SRSF6: variants seen among roughly 807,000 people sequenced by gnomAD.
SRSF6 encodes serine/arginine-rich splicing factor 6.
A neutral mutation model predicts 42.0 loss-of-function variants in SRSF6; 17 were observed. The observed-to-expected ratio is 0.40, with a 90% confidence interval of 0.28 to 0.61. The LOEUF is 0.61. SRSF6 is among the 20% of genes least tolerant of loss of function. The pLI is 0.37. For synonymous variants in SRSF6, 204 were observed against 166.7 expected (o/e 1.22, Z -1.72); for missense variants, 379 against 471.4 (o/e 0.80, Z 1.81).
In SRSF6 at chr20:43,460,944, C is replaced by T; in HGVS notation, c.916C>T (p.Pro306Ser). 1 of 1,614,188 alleles carries T rather than the reference C, an allele frequency of 6.2e-7. No homozygotes were observed. Among genetic ancestry groups the T allele is most frequent in the Admixed American group, 1.7e-5 (1 of 60,016 alleles). ...CCAGTCCCGTTCCAATTCGCCGCTA[C>T]CTGTTCCACCCTCAAAGGCCCGTTC... ...RSQSRSNSPL[P>S]VPPSKARSVS... Residue 306 changes from proline to serine, a missense_variant, in exon 6 of 6, where the codon CCT becomes TCT. Physicochemically the swap from Pro to Ser is moderately conservative, Grantham distance 74. Transcript: ENST00000244020.
Position 43,463,623 on chromosome 20 carries a change from T to C in SRSF6, c.*2560T>C, listed in dbSNP as rs2017641044. 6.5e-6 allele frequency: 1 copy of C among 152,710 alleles called. No individual in the cohort carries two copies. Among genetic ancestry groups the C allele is most frequent in the Non-Finnish European group, 1.5e-5 (1 of 68,062 alleles). The allele number at this position is 152,710 out of a possible 1,614,324, so 9.5% of individuals were successfully genotyped here. The stretch of plus-strand genomic sequence containing the variant: ...GAGGGAAAGGCTTGTTTTGAGTTTA[T>C]TGCATATGCCCACTTAGGACCAGAT... On this transcript the variant is annotated 3_prime_UTR_variant, in exon 6 of 6. Transcript: ENST00000244020.
Position 43,463,442 on chromosome 20 carries a change from T to C in SRSF6, c.*2379T>C, listed in dbSNP as rs1384550645. On this transcript the variant is annotated 3_prime_UTR_variant, in exon 6 of 6. Transcript: ENST00000244020. Reference sequence around the variant, plus strand: ...AAGTGAGAACATCTTGATTCCCCTTTCTTTTACTTGATGGTGTTTATGAAC... The same window carrying C: ...AAGTGAGAACATCTTGATTCCCCTTCCTTTTACTTGATGGTGTTTATGAAC... The C allele has an allele frequency of 6.5e-6, 1 of 154,360 alleles. No homozygotes were observed. The highest frequency in any genetic ancestry group is 2.4e-5 in the African/African-American group (1 of 41,522). The allele number at this position is 154,360 out of a possible 1,614,324, so 9.6% of individuals were successfully genotyped here.
Position 43,458,385 on chromosome 20 carries a change from C to T in SRSF6, c.132C>T (p.Asp44=), listed in dbSNP as rs1347777487. 6.4e-7 allele frequency: 1 copy of T among 1,560,444 alleles called. No individual in the cohort carries two copies. Among genetic ancestry groups the T allele is most frequent in the Non-Finnish European group, 8.6e-7 (1 of 1,157,594 alleles). ...GGTACGGCTTCGTGGAGTTCGAGGA[C>T]TCCCGCGACGCCGACGACGCCGTTT... ...KNGYGFVEFE[D]SRDADDAVYE... Residue 44 remains aspartate (D), a synonymous_variant, in exon 2 of 6, where the codon GAC becomes GAT. Coordinates refer to ENST00000244020, the MANE Select transcript of SRSF6 (RefSeq NM_006275.6).
chr20:43,462,582 G>A lies in SRSF6; in HGVS notation c.*1519G>A, dbSNP rs940594771. ...GTGACTGGAAAGCATGATATTCTAG[G>A]GTTGGTTTGTAGATTCAAATAATCC... On this transcript the variant is annotated 3_prime_UTR_variant, in exon 6 of 6. Transcript: ENST00000244020. 2 of 152,092 alleles carry A rather than the reference G, an allele frequency of 1.3e-5. No individual in the cohort carries two copies. The highest frequency in any genetic ancestry group is 4.8e-5 in the African/African-American group (2 of 41,394). 9.4% of individuals were successfully genotyped at this position (152,092 alleles called of 1,614,324 possible). A position where few individuals can be genotyped will look rare whatever the true frequency, so the allele number is the denominator to read the frequency against.
Position 43,458,120 on chromosome 20 carries a change from C to G in SRSF6, c.87C>G (p.Leu29=), listed in dbSNP as rs1395586659. 3.1e-6 allele frequency: 5 copies of G among 1,613,092 alleles called. No individual in the cohort carries two copies. Among genetic ancestry groups the G allele is most frequent in the East Asian group, 4.5e-5 (2 of 44,804 alleles). ...TTTTCAGTGGCTATGGCCGCCTCCT[C>G]GAAGTAGACCTCAAAAATGGGTGAG... ...QRFFSGYGRL[L]EVDLKNGYGF... Residue 29 remains leucine (L), a synonymous_variant, in exon 1 of 6, where the codon CTC becomes CTG. Transcript: ENST00000244020.
Position 43,458,007 on chromosome 20 carries a change from G to C in SRSF6, c.-27G>C. On this transcript the variant is annotated 5_prime_UTR_variant, in exon 1 of 6. Transcript: ENST00000244020. ...CTTGCGGTCCGCCGTTCGACAACCAGCCCTTGGGTCCCCGCCCGCCACGGA... is the reference window on the plus strand; with the variant it reads ...CTTGCGGTCCGCCGTTCGACAACCACCCCTTGGGTCCCCGCCCGCCACGGA... 1 of 1,594,946 alleles carries C rather than the reference G, an allele frequency of 6.3e-7. No homozygotes were observed. Among genetic ancestry groups the C allele is most frequent in the Non-Finnish European group, 8.6e-7 (1 of 1,168,974 alleles).
rs1262388359 is a variant in SRSF6 at position 43,462,792 on chromosome 20, C to A, written c.*1729C>A. ...TGCCCCAAAAGGCGGATGCTTCTTC[C>A]ATTATCTTATTTTCTTTGATACTTT... On this transcript the variant is annotated 3_prime_UTR_variant, in exon 6 of 6. Transcript: ENST00000244020. 1.3e-5 allele frequency: 2 copies of A among 152,340 alleles called. No individual in the cohort carries two copies. Among genetic ancestry groups the A allele is most frequent in the Non-Finnish European group, 2.9e-5 (2 of 68,014 alleles). The allele number at this position is 152,340 out of a possible 1,614,324, so 9.4% of individuals were successfully genotyped here. A position where few individuals can be genotyped will look rare whatever the true frequency, so the allele number is the denominator to read the frequency against.
intron 2 of SRSF6, chr20:43,459,307 G>T (rs1180910800): frequency 7.4e-7 from 1 of 1,351,974 alleles, no homozygotes; most frequent in Non-Finnish European, 9.8e-7. Flanking sequence ...GCCATTAGAC[G>T]CAGGGTGATG....
Position 43,458,132 on chromosome 20 carries a change from C to T in SRSF6, c.99C>T (p.Leu33=), listed in dbSNP as rs775392980. ...ATGGCCGCCTCCTCGAAGTAGACCT[C>T]AAAAATGGGTGAGTCGGGCCTGGGC... ...SGYGRLLEVD[L]KNGYGFVEFE... The change falls in exon 1 of 6, where the codon CTC becomes CTT. Residue 33 remains leucine (L), a synonymous_variant. Coordinates refer to ENST00000244020, the MANE Select transcript of SRSF6 (RefSeq NM_006275.6). The T allele has an allele frequency of 1.5e-5, 24 of 1,612,528 alleles. No homozygotes were observed. In the South Asian group the frequency reaches 2.4e-4, roughly 16 times the overall value.
chr20:43,459,164 G>T, intron 2 of SRSF6: 1 of 1,352,126 alleles, frequency 7.4e-7, no homozygotes, highest in South Asian at 1.1e-5. Context: ...GACCAATGGG[G>T]CTGAGGCTGT....
In SRSF6 at chr20:43,457,924, T is replaced by A. The variant is rs947114086; in HGVS notation, c.-110T>A. The A allele has an allele frequency of 5.6e-6, 5 of 887,404 alleles. No homozygotes were observed. Among genetic ancestry groups the A allele is most frequent in the Non-Finnish European group, 5.3e-6 (3 of 564,436 alleles). 55.0% of individuals were successfully genotyped at this position (887,404 alleles called of 1,614,324 possible). On this transcript the variant is annotated 5_prime_UTR_variant, in exon 1 of 6. Transcript: ENST00000244020. ...GTGTGGCTGGACTCGGCCGCCCCTG[T>A]GGTGTGAGGCGCGTGTTCGGGCTCT...
At position 43,457,941 on chromosome 20, in the gene SRSF6, T is replaced by G. The variant is rs2017521415; in HGVS notation, c.-93T>G. On this transcript the variant is annotated 5_prime_UTR_variant, in exon 1 of 6. Transcript: ENST00000244020. ...CGCCCCTGTGGTGTGAGGCGCGTGT[T>G]CGGGCTCTTGCCGTCCCCGCACCCG... is the stretch of plus-strand genomic sequence containing the variant. 7.5e-6 allele frequency: 8 copies of G among 1,070,584 alleles called. No homozygotes were observed. The highest frequency in any genetic ancestry group is 6.9e-6 in the Non-Finnish European group (5 of 719,554). The allele number at this position is 1,070,584 out of a possible 1,614,324, so 66.3% of individuals were successfully genotyped here.
intron 2 of SRSF6, 39 bp downstream of exon 2, chr20:43,458,548 C>A: frequency 2.1e-6 from 3 of 1,452,206 alleles, no homozygotes; most frequent in Non-Finnish European, 1.8e-6. Context: ...CCTTGGGGAC[C>A]CTGGGGGCGG....
chr20:43,462,225 G>A lies in SRSF6; in HGVS notation c.*1162G>A, dbSNP rs977410935. ...TGAAATGGGTAAACGCAAAACTTTTGTACTTTATTACGAGTAAAGTGTAAT... is the reference window on the plus strand; with the variant it reads ...TGAAATGGGTAAACGCAAAACTTTTATACTTTATTACGAGTAAAGTGTAAT... On this transcript the variant is annotated 3_prime_UTR_variant, in exon 6 of 6. Coordinates refer to ENST00000244020, the MANE Select transcript of SRSF6 (RefSeq NM_006275.6). The A allele has an allele frequency of 1.3e-5, 2 of 152,110 alleles. No homozygotes were observed. Among genetic ancestry groups the A allele is most frequent in the African/African-American group, 4.8e-5 (2 of 41,418 alleles). 9.4% of individuals were successfully genotyped at this position (152,110 alleles called of 1,614,324 possible). A position where few individuals can be genotyped will look rare whatever the true frequency, so the allele number is the denominator to read the frequency against.
intron 2 of SRSF6, among the ~76,000 whole-genome samples, chr20:43,458,848 G>C (rs1358378312): frequency 7.4e-6 from 1 of 135,956 alleles, no homozygotes; most frequent in Non-Finnish European, 1.6e-5. Context: ...TTAGTTAGAG[G>C]TTCGGGGGCA....
chr20:43,460,635 C>A (rs377298624), intron 5 of SRSF6, 37 bp downstream of exon 5: 4 of 1,613,522 alleles, frequency 2.5e-6, no homozygotes, highest in African/African-American at 1.3e-5. Context: ...TGAATATTAC[C>A]GTACTTGTTT....
Position 43,462,164 on chromosome 20 carries a change from A to G in SRSF6, c.*1101A>G, listed in dbSNP as rs2017613294. On this transcript the variant is annotated 3_prime_UTR_variant, in exon 6 of 6. Coordinates refer to ENST00000244020, the MANE Select transcript of SRSF6 (RefSeq NM_006275.6). ...GATAATTGGTTAGATCATACTTGTAAATTTTAATGCTTTGTGTAATTGGTT... is the reference window on the plus strand; with the variant it reads ...GATAATTGGTTAGATCATACTTGTAGATTTTAATGCTTTGTGTAATTGGTT... 6.6e-6 allele frequency: 1 copy of G among 152,226 alleles called. No homozygotes were observed. The highest frequency in any genetic ancestry group is 6.5e-5 in the Admixed American group (1 of 15,284). The allele number at this position is 152,226 out of a possible 1,614,324, so 9.4% of individuals were successfully genotyped here. A position where few individuals can be genotyped will look rare whatever the true frequency, so the allele number is the denominator to read the frequency against.
rs946713962 is a variant in SRSF6 at position 43,463,556 on chromosome 20, G to A, written c.*2493G>A. The A allele has an allele frequency of 6.5e-6, 1 of 152,700 alleles. No individual in the cohort carries two copies. Among genetic ancestry groups the A allele is most frequent in the Non-Finnish European group, 1.5e-5 (1 of 68,162 alleles). The allele number at this position is 152,700 out of a possible 1,614,324, so 9.5% of individuals were successfully genotyped here. Reference sequence around the variant, plus strand: ...TGTGTTACCACCTTCCTCCCGATTTGTTCACCTATTTTGTGCTTTAAATCT... The same window carrying A: ...TGTGTTACCACCTTCCTCCCGATTTATTCACCTATTTTGTGCTTTAAATCT... On this transcript the variant is annotated 3_prime_UTR_variant, in exon 6 of 6. Transcript: ENST00000244020.
At position 43,460,150 on chromosome 20, in the gene SRSF6, G is replaced by T. The variant is rs756814844; in HGVS notation, c.499G>T (p.Asp167Tyr). 1 of 1,614,204 alleles carries T rather than the reference G, an allele frequency of 6.2e-7. No individual in the cohort carries two copies. The highest frequency in any genetic ancestry group is 8.5e-7 in the Non-Finnish European group (1 of 1,180,040). ...CATGAAGCGTGCTTTGGACAAACTG[G>T]ATGGCACAGAAATAAATGGCAGAAA... ...SDMKRALDKL[D>Y]GTEINGRNIR... The change falls in exon 4 of 6, where the codon GAT becomes TAT. Residue 167 changes from aspartate to tyrosine, a missense_variant. Around this residue, in one of 3 missense-constraint regions of SRSF6, gnomAD observed 43 missense variants for 108.5 expected, o/e 0.40. Transcript: ENST00000244020.
Sources: allele counts gnomAD v4.1 joint callset (sites outside exome capture counted in the v4.1 genomes callset), GRCh38; gene constraint gnomAD v4.1.1; regional missense constraint gnomAD v4.1.1; transcripts MANE v1.5; gene names NCBI Gene and HGNC (gene_info 2026-07-23, HGNC 2026-07-21).